NCF2: variants seen among roughly 807,000 people sequenced by gnomAD.
NCF2 encodes neutrophil cytosolic factor 2.
In NCF2, 45 loss-of-function variants were observed where a neutral mutation model predicts 70.9. That is an observed-to-expected ratio of 0.63 (90% CI 0.50 to 0.81). The LOEUF (loss-of-function observed/expected upper bound fraction) is 0.81, where lower values mean the gene tolerates loss of function less well. Among genes scored for constraint, NCF2 ranks in the 40% least tolerant of loss-of-function variants. The pLI is 0.00. For missense variants in NCF2, 522 were observed against 631.6 expected, an observed-to-expected ratio of 0.83 and a Z score of 1.86; for synonymous variants, 203 against 233.6, an observed-to-expected ratio of 0.87 and a Z score of 1.19.
chr1:183,577,546 C>T (rs1334254273), intron 3 of NCF2, 53 bp downstream of exon 3: 37 of 1,394,494 alleles, frequency 2.7e-5, no homozygotes, highest in Non-Finnish European at 3.8e-5. Context: ...AACTGTCAGC[C>T]ATCCATCCAG....
rs774160536 is a variant in NCF2, at chr1:183,570,832, G to A, written c.617C>T (p.Ala206Val). The change falls in exon 6 of 15, where the codon GCA becomes GTA. Residue 206 changes from alanine to valine, a missense_variant. Ala to Val is a moderately conservative substitution (Grantham distance 64). Coordinates refer to ENST00000367535, the MANE Select transcript of NCF2 (RefSeq NM_000433.4). ...GAAACTGTCTTGATCCACCACAGAT[G>A]CCACGACCTAAAATCAAGGACAGGA... ...KDYLGKATVV[A>V]SVVDQDSFSG... 2 of 1,614,166 alleles carry A rather than the reference G, an allele frequency of 1.2e-6. No individual in the cohort carries two copies. The highest frequency in any genetic ancestry group is 1.7e-6 in the Non-Finnish European group (2 of 1,180,026).
At chr1:183,557,261 T>A (rs1452796061) in intron 14 of NCF2, among the ~76,000 whole-genome samples, 2 of 152,228 alleles carry the variant, frequency 1.3e-5, no homozygotes, top group East Asian at 3.8e-4. Context: ...TCTTTGTACA[T>A]CTAGATCAGA....
At position 183,567,282 on chromosome 1, in the gene NCF2, GA is replaced by G; in HGVS notation, c.776del (p.Leu259ProfsTer12). ...AGACAATGTTCCCTGGCATGACCTG[GA>G]GCTCTTCTTTTGTCTCAGGCACAAA... Reference protein sequence around the residue: ...FGFVPETKEELQVMPGNIVFV... With the variant: ...FGFVPETKEEXQVMPGNIVFV... On this transcript the variant is annotated frameshift_variant, in exon 8 of 15. Coordinates refer to ENST00000367535, the MANE Select transcript of NCF2 (RefSeq NM_000433.4). LOFTEE classifies it high-confidence loss of function. 6.2e-7 allele frequency: 1 copy of G among 1,614,116 alleles called. No individual in the cohort carries two copies. The highest frequency in any genetic ancestry group is 8.5e-7 in the Non-Finnish European group (1 of 1,180,036).
At chr1:183,563,715 G>A (rs1672181933) in intron 11 of NCF2, 130 bp from the exon 12 acceptor site, 1 of 1,184,430 alleles carries the variant, frequency 8.4e-7, no homozygotes, top group Non-Finnish European at 1.2e-6. Context: ...GTAAGTAACT[G>A]GTTTCACAGT....
chr1:183,575,331 A>G lies in NCF2; in HGVS notation c.367-710T>C, dbSNP rs568249027. Among the ~76,000 whole-genome samples the G allele has an allele frequency of 1.3e-4, 20 of 152,324 alleles. No homozygotes were observed. The East Asian group carries it at 3.1e-3, about 23-fold the overall frequency. ...CTAAAAATACAAAAATTAGCTGGGCATGGTGGCAGGCACCTGTAATCTCAG... is the reference window on the plus strand; with the variant it reads ...CTAAAAATACAAAAATTAGCTGGGCGTGGTGGCAGGCACCTGTAATCTCAG... On this transcript the variant is annotated intron_variant, in intron 3 of 14. Transcript: ENST00000367535.
rs143726411 is a variant in NCF2 at position 183,588,899 on chromosome 1, G to A, written c.174+1257C>T. On this transcript the variant is annotated intron_variant, in intron 1 of 14. Transcript: ENST00000367535. ...GCCAAGGCAGGAGGCTACAGTCCCT[G>A]CTGGCATAGCTGTGCCCAGACTAGC... Among the ~76,000 whole-genome samples, 28 of 152,324 alleles carry A rather than the reference G, an allele frequency of 1.8e-4. 1 individual carries two copies. The highest frequency in any genetic ancestry group is 6.3e-4 in the African/African-American group (26 of 41,562).
At chr1:183,567,011 CA>C (rs746391358) in intron 8 of NCF2, 23 bp from the exon 9 acceptor site, 1 of 1,613,944 alleles carries the variant, frequency 6.2e-7, no homozygotes. Flanking sequence ...ACCACAGAAT[CA>C]GAAAGGAAAA....
intron 2 of NCF2, among the ~76,000 whole-genome samples, chr1:183,582,453 C>A (rs990598300): frequency 6.6e-6 from 1 of 152,240 alleles, no homozygotes; most frequent in African/African-American, 2.4e-5. Context: ...TTTTCACAAG[C>A]TCCAGGCTTG....
chr1:183,564,070 T>G, intron 10 of NCF2, 40 bp from the exon 11 acceptor site: 3 of 1,587,414 alleles, frequency 1.9e-6, no homozygotes, highest in Non-Finnish European at 2.6e-6. Flanking sequence ...AAGAAGATGG[T>G]GAATGAACAT....
At chr1:183,579,926 C>T (rs1672983145) in intron 2 of NCF2, among the ~76,000 whole-genome samples, 1 of 152,064 alleles carries the variant, frequency 6.6e-6, no homozygotes, top group Non-Finnish European at 1.5e-5. Context: ...TTAATCCATA[C>T]ATCAGCCACT....
intron 2 of NCF2, among the ~76,000 whole-genome samples, chr1:183,584,684 C>T (rs968126855): frequency 2.6e-5 from 4 of 152,038 alleles, no homozygotes; most frequent in South Asian, 2.1e-4. Context: ...GATTTAAGAT[C>T]GGCTGAAGGA....
chr1:183,556,174 C>CTT lies in NCF2; in HGVS notation c.1523_1524dup (p.Val509LysfsTer28). ...GTAGTTGCGCAGTCTTCAACAAAAA[C>CTT]TTTGGGGAAAATGCCCACCTTCCCT... On this transcript the variant is annotated frameshift_variant, in exon 15 of 15. Coordinates refer to ENST00000367535, the MANE Select transcript of NCF2 (RefSeq NM_000433.4). LOFTEE classifies it high-confidence loss of function. The CTT allele has an allele frequency of 1.9e-6, 3 of 1,614,204 alleles. No individual in the cohort carries two copies. The highest frequency in any genetic ancestry group is 2.5e-6 in the Non-Finnish European group (3 of 1,180,036).
intron 2 of NCF2, among the ~76,000 whole-genome samples, chr1:183,580,074 T>C (rs1258227331): frequency 1.3e-5 from 2 of 152,094 alleles, no homozygotes; most frequent in Non-Finnish European, 2.9e-5. Context: ...AAGAGAGTCA[T>C]AAGGAACGGG....
In NCF2 at chr1:183,570,837, G is replaced by A. The variant is rs772322729; in HGVS notation, c.612C>T (p.Val204=). ...TGTCTTGATCCACCACAGATGCCAC[G>A]ACCTAAAATCAAGGACAGGAGGGTG... ...AKKDYLGKAT[V]VASVVDQDSF... The change falls in exon 6 of 15, where the codon GTC becomes GTT. Residue 204 remains valine, a splice_region_variant and synonymous_variant. Transcript: ENST00000367535. 3.7e-6 allele frequency: 6 copies of A among 1,613,988 alleles called. No homozygotes were observed. Among genetic ancestry groups the A allele is most frequent in the African/African-American group, 2.7e-5 (2 of 74,918 alleles).
In NCF2 at chr1:183,563,295, C is replaced by A; in HGVS notation, c.1190G>T (p.Arg397Leu). ...AAGGGGCACCAGCTCATTGCTGTCC[C>A]GAGGCCGATAGCTGGGTGGGGATAA... is the stretch of plus-strand genomic sequence containing the variant. The part of the protein sequence containing the change: ...LEHTKLSYRP[R>L]DSNELVPLSE... The change falls in exon 13 of 15, where the codon CGG becomes CTG. Residue 397 changes from arginine (R) to leucine (L), a missense_variant. Arg to Leu is a moderately radical substitution (Grantham distance 102). Coordinates refer to ENST00000367535, the MANE Select transcript of NCF2 (RefSeq NM_000433.4). 1 of 1,614,082 alleles carries A rather than the reference C, an allele frequency of 6.2e-7. No homozygotes were observed. The highest frequency in any genetic ancestry group is 1.1e-5 in the South Asian group (1 of 91,074).
the NCF2 span, among the ~76,000 whole-genome samples, chr1:183,595,950 C>T: frequency 2.0e-5 from 3 of 152,186 alleles, no homozygotes; most frequent in African/African-American, 4.8e-5. Flanking sequence ...CACACCTCAG[C>T]AGCTCCAGTC....
upstream of NCF2, among the ~76,000 whole-genome samples, chr1:183,592,820 G>A (rs1673711709): frequency 6.6e-6 from 1 of 152,102 alleles, no homozygotes; most frequent in Non-Finnish European, 1.5e-5. Context: ...CTTATCCCCA[G>A]AACTTTCCTT....
intron 13 of NCF2, among the ~76,000 whole-genome samples, chr1:183,562,127 G>C (rs2102879978): frequency 6.6e-6 from 1 of 152,216 alleles, no homozygotes; most frequent in Middle Eastern, 3.4e-3. Flanking sequence ...ACATTCAACA[G>C]TGACTCCTGA....
At chr1:183,587,424 T>C (rs1673407728) in intron 1 of NCF2, among the ~76,000 whole-genome samples, 1 of 151,894 alleles carries the variant, frequency 6.6e-6, no homozygotes, top group Non-Finnish European at 1.5e-5. Context: ...TGAGACTCCA[T>C]CTCTACGAAA....
Sources: gnomAD v4.1 joint callset for allele counts (sites outside exome capture counted in the v4.1 genomes callset) on GRCh38, gnomAD v4.1.1 for gene constraint, MANE v1.5 for transcripts, NCBI Gene and HGNC (gene_info 2026-07-23, HGNC 2026-07-21) for gene names.